Variants in PDE1A observed in about 807,000 individuals in gnomAD.
PDE1A encodes the protein phosphodiesterase 1A.
Under a neutral mutation model 61.7 loss-of-function variants are expected in PDE1A, and 35 were observed. The ratio of observed to expected loss-of-function variants is 0.57; its 90% CI spans 0.43 to 0.75. The LOEUF (loss-of-function observed/expected upper bound fraction) is 0.75, where lower values mean the gene tolerates loss of function less well. Ranked by LOEUF, PDE1A falls within the 30% of genes least tolerant of loss-of-function variation. The probability of loss-of-function intolerance (pLI) is 0.00; values close to 1 mark genes in which losing one functional copy is unlikely to be tolerated. For synonymous variants in PDE1A, 232 were observed against 213.2 expected (o/e 1.09, Z -0.77); for missense variants, 597 against 630.6 (o/e 0.95, Z 0.57).
intron 12 of PDE1A, 129 bp from the exon 13 acceptor site, chr2:182,186,208 G>A (rs189742745): frequency 4.3e-4 from 413 of 953,314 alleles, no homozygotes; most frequent in East Asian, 7.2e-4. Context: ...TTCTGAGCAC[G>A]TGGCAGCTGC....
chr2:182,155,027 CT>C (rs953236296), intron 13 of PDE1A, among the ~76,000 whole-genome samples: 87 of 125,294 alleles, frequency 6.9e-4, no homozygotes, highest in Admixed American at 1.1e-3. Flanking sequence ...TCATTGTTCT[CT>C]TTTTTTTTTA....
At chr2:182,646,955 A>G in the PDE1A span, among the ~76,000 whole-genome samples, 3 of 152,218 alleles carry the variant, frequency 2.0e-5, no homozygotes, top group Non-Finnish European at 4.4e-5. Flanking sequence ...GACAAAGCAG[A>G]TGTGGCCATG....
chr2:182,331,049 C>T (rs112637254), intron 1 of PDE1A, among the ~76,000 whole-genome samples: 59 of 152,234 alleles, frequency 3.9e-4, no homozygotes, highest in African/African-American at 1.4e-3. Context: ...ACATCTCCAC[C>T]AAGGGGGCTG....
At chr2:182,439,685 C>T (rs1256606226) in intron 2 of PDE1A, among the ~76,000 whole-genome samples, 3 of 151,956 alleles carry the variant, frequency 2.0e-5, no homozygotes, top group Non-Finnish European at 2.9e-5. Context: ...TTCAGTAAGA[C>T]AAAAAGTTCT....
intron 11 of PDE1A, among the ~76,000 whole-genome samples, chr2:182,187,945 C>T (rs1456783637): frequency 6.6e-6 from 1 of 151,658 alleles, no homozygotes; most frequent in East Asian, 1.9e-4. Context: ...CGGGTTTCAC[C>T]GTGTTAGCCA....
At chr2:182,536,548 C>T in the PDE1A span, among the ~76,000 whole-genome samples, 4 of 151,962 alleles carry the variant, frequency 2.6e-5, no homozygotes, top group African/African-American at 9.7e-5. Flanking sequence ...CTTTATAGGG[C>T]TTATATTCTA....
chr2:182,168,547 T>G (rs1298726091), intron 13 of PDE1A, among the ~76,000 whole-genome samples: 1 of 152,072 alleles, frequency 6.6e-6, no homozygotes. Context: ...CTCAACTTAT[T>G]TTTTACTCTA....
intron 13 of PDE1A, among the ~76,000 whole-genome samples, chr2:182,160,238 T>G (rs752522057): frequency 6.6e-6 from 1 of 152,170 alleles, no homozygotes; most frequent in Admixed American, 6.5e-5. Flanking sequence ...TTTATGTTTT[T>G]GGCTTTTCTT....
At chr2:182,319,483 ATCTT>A (rs1279970047) in intron 1 of PDE1A, among the ~76,000 whole-genome samples, 1 of 152,166 alleles carries the variant, frequency 6.6e-6, no homozygotes, top group East Asian at 1.9e-4. Context: ...CTGTAAGTGT[ATCTT>A]TATTTACTCC....
chr2:182,623,976 T>C, the PDE1A span, among the ~76,000 whole-genome samples: 1 of 151,818 alleles, frequency 6.6e-6, no homozygotes, highest in East Asian at 1.9e-4. Context: ...ATACAAAAAA[T>C]TAGCCGGGCG....
chr2:182,530,717 A>C, the PDE1A span, among the ~76,000 whole-genome samples: 2 of 152,196 alleles, frequency 1.3e-5, 1 homozygote, highest in Non-Finnish European at 2.9e-5. Context: ...AGACAATAAC[A>C]GATAAAGAAA....
At chr2:182,541,885 T>G in the PDE1A span, among the ~76,000 whole-genome samples, 1 of 152,268 alleles carries the variant, frequency 6.6e-6, no homozygotes, top group East Asian at 1.9e-4. Flanking sequence ...AAATTCCAAA[T>G]TAACTATTGT....
chr2:182,386,876 G>A (rs549925919), intron 1 of PDE1A, among the ~76,000 whole-genome samples: 7 of 152,202 alleles, frequency 4.6e-5, no homozygotes, highest in Non-Finnish European at 8.8e-5. Flanking sequence ...CTTCTGGGAG[G>A]TGAGGAGCCC....
intron 1 of PDE1A, among the ~76,000 whole-genome samples, chr2:182,408,352 T>C (rs1028832150): frequency 6.6e-6 from 1 of 152,162 alleles, no homozygotes; most frequent in African/African-American, 2.4e-5. Context: ...TGTATTACCT[T>C]AAAAAAGTTA....
chr2:182,372,464 C>T (rs1415647873), intron 1 of PDE1A, among the ~76,000 whole-genome samples: 2 of 152,144 alleles, frequency 1.3e-5, no homozygotes, highest in African/African-American at 4.8e-5. Context: ...AAACTTTGAA[C>T]ATGTCACAGA....
chr2:182,230,070 T>C, exon 6 of PDE1A: 1 of 1,612,808 alleles, frequency 6.2e-7, no homozygotes, highest in African/African-American at 1.3e-5. Context: ...ATGAATCAAA[T>C]TGTGATATGG....
At chr2:182,166,662 C>A (rs1458731673), downstream of PDE1A, among the ~76,000 whole-genome samples, 1 of 152,184 alleles carries the variant, frequency 6.6e-6, no homozygotes, top group African/African-American at 2.4e-5. Flanking sequence ...TGAGGCAATT[C>A]TCCCTAATAA....
chr2:182,429,054 G>C (rs1342785472), upstream of PDE1A, among the ~76,000 whole-genome samples: 2 of 151,982 alleles, frequency 1.3e-5, no homozygotes, highest in Non-Finnish European at 2.9e-5. Flanking sequence ...CATTACCTTA[G>C]GTTTATATTC....
chr2:182,589,911 G>A, the PDE1A span, among the ~76,000 whole-genome samples: 2 of 152,102 alleles, frequency 1.3e-5, no homozygotes, highest in South Asian at 4.1e-4. Flanking sequence ...ATAATAATCA[G>A]CCAGGCTTCC....
Sources: allele counts gnomAD v4.1 joint callset (sites outside exome capture counted in the v4.1 genomes callset), GRCh38; gene constraint gnomAD v4.1.1; transcripts MANE v1.5; gene names NCBI Gene and HGNC (gene_info 2026-07-23, HGNC 2026-07-21).